TOP3B: variants seen among roughly 807,000 people sequenced by gnomAD.
TOP3B encodes the protein DNA topoisomerase 3-beta-1.
A neutral mutation model predicts 93.9 loss-of-function variants in TOP3B; 45 were observed. The observed-to-expected ratio is 0.48, with a 90% CI of 0.38 to 0.61. The LOEUF (loss-of-function observed/expected upper bound fraction) is 0.61. Among genes scored for constraint, TOP3B ranks in the 20% least tolerant of loss-of-function variants. The pLI is 0.00. For missense variants in TOP3B, 750 were observed against 1,156.1 expected (o/e 0.65, Z 5.09); for synonymous variants, 357 against 472.6 (o/e 0.76, Z 3.17).
intron 1 of TOP3B, among the ~76,000 whole-genome samples, chr22:21,979,603 G>C (rs2084573393): frequency 6.6e-6 from 1 of 152,110 alleles, no homozygotes; most frequent in Non-Finnish European, 1.5e-5. Flanking sequence ...TAAAAGGTTA[G>C]AAACAAGCTG....
intron 6 of TOP3B, 112 bp from the exon 7 acceptor site, chr22:21,968,887 G>A (rs1601840827): frequency 8.2e-7 from 1 of 1,225,802 alleles, no homozygotes; most frequent in South Asian, 1.3e-5. Flanking sequence ...GGTGGCATCA[G>A]GTGGTGTCCC....
rs929943174 is a variant in TOP3B at position 21,970,479 on chromosome 22, C to G, written c.385-73G>C. 2.0e-6 allele frequency: 3 copies of G among 1,519,606 alleles called. No homozygotes were observed. The highest frequency in any genetic ancestry group is 2.7e-6 in the Non-Finnish European group (3 of 1,115,494). 94.1% of individuals were successfully genotyped at this position (1,519,606 alleles called of 1,614,324 possible). ...CACAGCTCCCCACCCCACTGTGAAG[C>G]CTGGTTCCTTCCAGGAAAGAACACG... is the stretch of plus-strand genomic sequence containing the variant. On this transcript the variant is annotated intron_variant, in intron 5 of 17. Transcript: ENST00000357179. The surrounding 1 kb of genome is among the most constrained non-coding windows in gnomAD (Gnocchi z 4.4).
chr22:21,961,369 C>A (rs2071174417), intron 13 of TOP3B: 1 of 152,350 alleles, frequency 6.6e-6, no homozygotes, highest in African/African-American at 2.4e-5. Context: ...CACAGGGCCA[C>A]CCTGACCACT....
chr22:21,981,534 TAGAC>T (rs2084631398), intron 1 of TOP3B, among the ~76,000 whole-genome samples: 1 of 152,080 alleles, frequency 6.6e-6, no homozygotes, highest in Non-Finnish European at 1.5e-5. Flanking sequence ...TCACGGTAAA[TAGAC>T]AGTGAGCAAA....
At chr22:21,962,215 A>G in intron 13 of TOP3B, 1 of 1,489,420 alleles carries the variant, frequency 6.7e-7, no homozygotes, top group Non-Finnish European at 8.9e-7. Flanking sequence ...GGGCCTTCAC[A>G]GGGAAGGCCA....
At chr22:21,958,196 C>T (rs867117) in intron 17 of TOP3B, 147,368 of 1,294,214 alleles carry the variant, frequency 0.11, 8,292 homozygotes, top group African/African-American at 0.14. Flanking sequence ...GTGGGTCCCC[C>T]GACTGCTGCA....
In TOP3B at chr22:21,971,788, C is replaced by T; in HGVS notation, c.384+89G>A. 8.3e-7 allele frequency: 1 copy of T among 1,202,790 alleles called. No individual in the cohort carries two copies. Among genetic ancestry groups the T allele is most frequent in the East Asian group, 2.4e-5 (1 of 42,490 alleles). The allele number at this position is 1,202,790 out of a possible 1,614,324, so 74.5% of individuals were successfully genotyped here. A position where few individuals can be genotyped will look rare whatever the true frequency, so the allele number is the denominator to read the frequency against. On this transcript the variant is annotated intron_variant, in intron 5 of 17. Transcript: ENST00000357179. The surrounding 1 kb of genome is among the most constrained non-coding windows in gnomAD (Gnocchi z 4.6). The stretch of plus-strand genomic sequence containing the variant: ...GTACAGTTTACTCCCTCCTTTGGCC[C>T]CAGGAGTGATGTGACTGACTGCTGG...
At chr22:21,981,707 G>C (rs563418342) in intron 1 of TOP3B, among the ~76,000 whole-genome samples, 1 of 152,222 alleles carries the variant, frequency 6.6e-6, no homozygotes, top group Non-Finnish European at 1.5e-5. Context: ...TGAGGCAGGA[G>C]AATCACTTGA....
In TOP3B at chr22:21,968,697, T is replaced by C; in HGVS notation, c.660A>G (p.Pro220=). 4 of 1,614,188 alleles carry C rather than the reference T, an allele frequency of 2.5e-6. No homozygotes were observed. The highest frequency in any genetic ancestry group is 3.4e-6 in the Non-Finnish European group (4 of 1,180,026). ...GTCTCTCCACACAGAATCCCAGGGT[T>C]GGAGTCTGACACGGCCCAAAGGAGA... ...SLISFGPCQT[P]TLGFCVERHD... is the part of the protein sequence containing the mutation. Residue 220 remains proline (P), a synonymous_variant, in exon 7 of 18, where the codon CCA becomes CCG. Transcript: ENST00000357179.
chr22:21,967,341 T>A (rs539023745), intron 8 of TOP3B: 1 of 418,266 alleles, frequency 2.4e-6, no homozygotes, highest in Non-Finnish European at 4.4e-6. Context: ...AAGGGGAGAG[T>A]GGAAGGGGTC....
Position 21,971,679 on chromosome 22 carries a change from C to T in TOP3B, c.384+198G>A. On this transcript the variant is annotated intron_variant, in intron 5 of 17. Transcript: ENST00000357179. The surrounding 1 kb of genome is among the most constrained non-coding windows in gnomAD (Gnocchi z 4.6). ...GAGGCCTCAGCAAGCGGAGGAACAA[C>T]TGACCACCTTTAATAGAGCCTATGC... is the stretch of plus-strand genomic sequence containing the variant. 1 of 638,252 alleles carries T rather than the reference C, an allele frequency of 1.6e-6. No individual in the cohort carries two copies. The highest frequency in any genetic ancestry group is 2.9e-6 in the Non-Finnish European group (1 of 350,652). 39.5% of individuals were successfully genotyped at this position (638,252 alleles called of 1,614,324 possible). A position where few individuals can be genotyped will look rare whatever the true frequency, so the allele number is the denominator to read the frequency against.
intron 8 of TOP3B, chr22:21,966,722 C>T (rs2071427525): frequency 6.6e-6 from 1 of 152,258 alleles, no homozygotes; most frequent in Admixed American, 6.5e-5. Flanking sequence ...CAGGCCCTGG[C>T]CCTTGCCAAT....
At chr22:21,981,233 C>A (rs1002555856) in intron 1 of TOP3B, among the ~76,000 whole-genome samples, 5 of 152,190 alleles carry the variant, frequency 3.3e-5, no homozygotes, top group African/African-American at 1.2e-4. Flanking sequence ...TGCCAGCATC[C>A]TAGGCAGGGA....
intron 1 of TOP3B, among the ~76,000 whole-genome samples, chr22:21,979,064 A>T (rs576932219): frequency 6.6e-6 from 1 of 152,090 alleles, no homozygotes; most frequent in Admixed American, 6.5e-5. Context: ...CTGTCCACTG[A>T]GGGAGGACAG....
At chr22:21,979,745 T>G (rs913642295) in intron 1 of TOP3B, among the ~76,000 whole-genome samples, 1 of 151,644 alleles carries the variant, frequency 6.6e-6, no homozygotes, top group Non-Finnish European at 1.5e-5. Context: ...ATCAAGACCA[T>G]CCTGACTAAC....
intron 7 of TOP3B, 120 bp downstream of exon 7, chr22:21,968,499 T>A: frequency 7.6e-7 from 1 of 1,323,326 alleles, no homozygotes; most frequent in Non-Finnish European, 1.0e-6. Flanking sequence ...CACTTCCAGG[T>A]ACAGCCGTCC....
chr22:21,964,362 C>T (rs1410482828), intron 9 of TOP3B, 47 bp from the exon 10 acceptor site: 3 of 1,605,066 alleles, frequency 1.9e-6, no homozygotes, highest in Non-Finnish European at 1.7e-6. Flanking sequence ...GTGGGGATGG[C>T]CAGCTGCCTG....
chr22:21,967,380 T>C, intron 8 of TOP3B: 2 of 545,028 alleles, frequency 3.7e-6, no homozygotes, highest in Non-Finnish European at 6.6e-6. Flanking sequence ...GGACAGTGCC[T>C]GGTATGGAGC....
intron 3 of TOP3B, 93 bp downstream of exon 3, chr22:21,974,264 T>C (rs986634054): frequency 6.7e-7 from 1 of 1,482,328 alleles, no homozygotes; most frequent in Non-Finnish European, 9.1e-7. Flanking sequence ...TGGGACAAAC[T>C]TCCCTGCCTA....
Sources: gnomAD v4.1 joint callset for allele counts (sites outside exome capture counted in the v4.1 genomes callset) on GRCh38, gnomAD v4.1.1 for gene constraint, Gnocchi (gnomAD v3.1) non-coding constraint, MANE v1.5 for transcripts, NCBI Gene and HGNC (gene_info 2026-07-23, HGNC 2026-07-21) for gene names.